MCM9: variants seen among roughly 807,000 people sequenced by gnomAD.
The protein encoded by MCM9 is DNA helicase MCM9.
MCM9 carries 55 observed loss-of-function variants against 72.8 expected under a neutral mutation model. The ratio of observed to expected loss-of-function variants is 0.76; its 90% CI spans 0.61 to 0.95. MCM9 has a LOEUF of 0.95. Ranked by LOEUF, MCM9 falls within the 40% of genes least tolerant of loss-of-function variation. The probability of loss-of-function intolerance (pLI) is 0.00; values close to 1 mark genes in which losing one functional copy is unlikely to be tolerated. For missense variants in MCM9, 1,279 were observed against 1,377.0 expected, an observed-to-expected ratio of 0.93 and a Z score of 1.13; for synonymous variants, 480 against 503.4, an observed-to-expected ratio of 0.95 and a Z score of 0.62.
intron 9 of MCM9, among the ~76,000 whole-genome samples, chr6:118,853,566 G>A (rs1056545329): frequency 5.3e-5 from 8 of 152,064 alleles, no homozygotes; most frequent in South Asian, 2.1e-4. Flanking sequence ...CTGAAAGGCC[G>A]AGGCAAGTGG....
chr6:118,892,368 C>T (rs573645897), intron 8 of MCM9, among the ~76,000 whole-genome samples: 4 of 152,332 alleles, frequency 2.6e-5, no homozygotes, highest in African/African-American at 9.6e-5. Flanking sequence ...GTCCTTCATG[C>T]TGCACATCCA....
Position 118,893,891 on chromosome 6 carries a change from T to C in MCM9, c.1150+17759A>G, listed in dbSNP as rs191321515. 1,735 of 351,720 alleles carry C rather than the reference T, an allele frequency of 4.9e-3. 34 individuals are homozygous for C. The highest frequency in any genetic ancestry group is 0.037 in the African/African-American group (1,620 of 43,426). The allele number at this position is 351,720 out of a possible 1,614,324, so 21.8% of individuals were successfully genotyped here. A position where few individuals can be genotyped will look rare whatever the true frequency, so the allele number is the denominator to read the frequency against. ...GCCAAAACACCCACACGAAGCCAAC[T>C]GGAGGGGCGGGCGTCGGCCGGATCG... On this transcript the variant is annotated intron_variant, in intron 8 of 13. Transcript: ENST00000619706.
intron 8 of MCM9, chr6:118,893,931 A>AGCCACGCCTCCCCGCCGCC: frequency 3.7e-6 from 3 of 815,990 alleles, no homozygotes; most frequent in Non-Finnish European, 4.4e-6. Flanking sequence ...CTCCCGCCGC[A>AGCCACGCCTCCCCGCCGCC]GCCACGCCTC....
intron 9 of MCM9, among the ~76,000 whole-genome samples, chr6:118,847,694 T>C (rs1369617637): frequency 6.6e-6 from 1 of 151,638 alleles, no homozygotes; most frequent in African/African-American, 2.4e-5. Context: ...TCAATAAAAA[T>C]TTCCAGGGAT....
chr6:118,931,036 A>C (rs1782380637), intron 3 of MCM9, among the ~76,000 whole-genome samples: 1 of 152,216 alleles, frequency 6.6e-6, no homozygotes, highest in Non-Finnish European at 1.5e-5. Context: ...AAAATAACTA[A>C]TGTCCTAAAA....
chr6:118,896,145 T>C (rs1207400364), intron 8 of MCM9, among the ~76,000 whole-genome samples: 3 of 151,930 alleles, frequency 2.0e-5, no homozygotes. Flanking sequence ...AAATAGGCCA[T>C]TGATAACACT....
intron 6 of MCM9, 74 bp downstream of exon 6, chr6:118,917,472 CATATAAGACTGTCAA>C: frequency 8.1e-7 from 1 of 1,240,276 alleles, no homozygotes; most frequent in East Asian, 2.3e-5. Context: ...AGTTATGCGG[CATATAAGACTGTCAA>C]ATCACAGACA....
chr6:118,850,271 T>C (rs1013131106), intron 9 of MCM9, among the ~76,000 whole-genome samples: 1 of 151,944 alleles, frequency 6.6e-6, no homozygotes, highest in Non-Finnish European at 1.5e-5. Context: ...TTTTTGTGAT[T>C]ATTGGTAATG....
In MCM9 at chr6:118,839,221, T is replaced by C. The variant is rs532479302; in HGVS notation, c.1326-9971A>G. Among the ~76,000 whole-genome samples the C allele has an allele frequency of 5.3e-5, 8 of 152,022 alleles. No homozygotes were observed. The East Asian group carries it at 5.8e-4, about 11-fold the overall frequency. ...TTCTTCTGCTTGATCAATTCAGCCATTGATACTTCCGTATGCTTCATGAAG... is the reference window on the plus strand; with the variant it reads ...TTCTTCTGCTTGATCAATTCAGCCACTGATACTTCCGTATGCTTCATGAAG... On this transcript the variant is annotated intron_variant, in intron 9 of 13. Coordinates refer to ENST00000619706, the MANE Select transcript of MCM9 (RefSeq NM_017696.3).
At chr6:118,847,422 CA>C (rs368957444) in intron 9 of MCM9, among the ~76,000 whole-genome samples, 20,176 of 113,532 alleles carry the variant, frequency 0.18, 1,244 homozygotes, top group African/African-American at 0.23. Context: ...CATGAATCTT[CA>C]AAAAAAAAAA....
chr6:118,843,797 A>G (rs900962985), intron 9 of MCM9, among the ~76,000 whole-genome samples: 1 of 148,334 alleles, frequency 6.7e-6, no homozygotes, highest in African/African-American at 2.5e-5. Context: ...GGCGGTTTGC[A>G]TTAAAGGGAA....
chr6:118,891,619 G>A (rs916399638), intron 8 of MCM9, among the ~76,000 whole-genome samples: 1 of 152,114 alleles, frequency 6.6e-6, no homozygotes, highest in African/African-American at 2.4e-5. Flanking sequence ...ACGCCAGCTA[G>A]ATTAGATTAG....
At chr6:118,875,514 T>C (rs986927036) in intron 8 of MCM9, among the ~76,000 whole-genome samples, 1 of 152,002 alleles carries the variant, frequency 6.6e-6, no homozygotes, top group Non-Finnish European at 1.5e-5. Flanking sequence ...CATGTGTCTA[T>C]GGTCCCAGCT....
rs542717043 is a variant in MCM9 at position 118,836,577 on chromosome 6, G to A, written c.1326-7327C>T. 7.9e-5 allele frequency among the ~76,000 whole-genome samples: 12 copies of A among 152,188 alleles called. No individual in the cohort carries two copies. In the South Asian group the frequency reaches 8.3e-4, roughly 11 times the overall value. ...CTTCTTCCTGGTTTAGTCTTGGGAGGGTGTATGAGTCTAGGTATTTATCCA... is the reference window on the plus strand; with the variant it reads ...CTTCTTCCTGGTTTAGTCTTGGGAGAGTGTATGAGTCTAGGTATTTATCCA... On this transcript the variant is annotated intron_variant, in intron 9 of 13. Transcript: ENST00000619706.
rs185427930 is a variant in MCM9, at chr6:118,838,721, G to A, written c.1326-9471C>T. On this transcript the variant is annotated intron_variant, in intron 9 of 13. Transcript: ENST00000619706. ...GAGGCGTGAGCCACTGTGCCCGGCC[G>A]AAAATTCTTTTCTTTAAGAATGTTG... Among the ~76,000 whole-genome samples the A allele has an allele frequency of 6.3e-3, 963 of 152,284 alleles. 5 individuals are homozygous for A. Among genetic ancestry groups the A allele is most frequent in the Non-Finnish European group, 0.012 (805 of 68,016 alleles).
chr6:118,881,924 T>C (rs904937430), intron 8 of MCM9, among the ~76,000 whole-genome samples: 2 of 152,302 alleles, frequency 1.3e-5, no homozygotes, highest in Admixed American at 6.5e-5. Context: ...CAGGTGAATG[T>C]GGTCAAGAAG....
At chr6:118,905,066 G>A (rs1315574186) in intron 8 of MCM9, among the ~76,000 whole-genome samples, 2 of 152,162 alleles carry the variant, frequency 1.3e-5, no homozygotes, top group Non-Finnish European at 2.9e-5. Context: ...TCAATCTCTT[G>A]ACCTCATGAT....
intron 9 of MCM9, 103 bp from the exon 10 acceptor site, chr6:118,829,353 C>G (rs878888428): frequency 9.5e-7 from 1 of 1,049,432 alleles, no homozygotes; most frequent in East Asian, 2.6e-5. Flanking sequence ...TGAAAATCTA[C>G]GAACTCCTAT....
chr6:118,906,330 C>T (rs1780176036), intron 8 of MCM9, among the ~76,000 whole-genome samples: 1 of 152,192 alleles, frequency 6.6e-6, no homozygotes, highest in South Asian at 2.1e-4. Flanking sequence ...ACCTTGACCT[C>T]CCAAAGTGCT....
Sources: allele counts gnomAD v4.1 joint callset (sites outside exome capture counted in the v4.1 genomes callset), GRCh38; gene constraint gnomAD v4.1.1; transcripts MANE v1.5; gene names NCBI Gene and HGNC (gene_info 2026-07-23, HGNC 2026-07-21).